PLD1: variants seen among roughly 807,000 people sequenced by gnomAD.
PLD1 encodes the protein phospholipase D1.
A neutral mutation model predicts 137.1 loss-of-function variants in PLD1; 112 were observed. The observed-to-expected ratio is 0.82, with a 90% CI of 0.70 to 0.96. PLD1 has a LOEUF of 0.96. Among genes scored for constraint, PLD1 ranks in the 40% least tolerant of loss-of-function variants. The pLI is 0.00. For synonymous variants in PLD1, 431 were observed against 454.7 expected, an observed-to-expected ratio of 0.95 and a Z score of 0.66; for missense variants, 1,321 against 1,342.0, an observed-to-expected ratio of 0.98 and a Z score of 0.24.
intron 8 of PLD1, among the ~76,000 whole-genome samples, chr3:171,718,715 C>T (rs1717863768): frequency 6.6e-6 from 1 of 152,148 alleles, no homozygotes; most frequent in Admixed American, 6.5e-5. Context: ...ACCTGCCACT[C>T]ACTGCTTGTA....
chr3:171,608,097 A>G (rs1051770283), intron 25 of PLD1, among the ~76,000 whole-genome samples: 4 of 152,232 alleles, frequency 2.6e-5, no homozygotes, highest in Non-Finnish European at 5.9e-5. Context: ...GGCAAAGTGA[A>G]AATAATTATT....
chr3:171,803,551 T>C (rs1723731764), intron 1 of PLD1, among the ~76,000 whole-genome samples: 2 of 152,124 alleles, frequency 1.3e-5, no homozygotes, highest in South Asian at 2.1e-4. Flanking sequence ...CTGACCAACA[T>C]GGTGAAAGCC....
rs888390357 is a variant in PLD1 at position 171,741,688 on chromosome 3, T to A, written c.-31-3606A>T. Among the ~76,000 whole-genome samples, 11 of 152,352 alleles carry A rather than the reference T, an allele frequency of 7.2e-5. No individual in the cohort carries two copies. The East Asian group carries it at 1.9e-3, about 27-fold the overall frequency. On this transcript the variant is annotated intron_variant, in intron 1 of 26. Coordinates refer to ENST00000351298, the MANE Select transcript of PLD1 (RefSeq NM_002662.5). ...TTGTATCTGGAAAGCAAATAAGGGT[T>A]TTTTTATTCTCGTTTTGAATTATAG...
chr3:171,748,120 C>T (rs1318096316), intron 1 of PLD1, among the ~76,000 whole-genome samples: 1 of 152,062 alleles, frequency 6.6e-6, no homozygotes, highest in Non-Finnish European at 1.5e-5. Context: ...ATGAGGATTC[C>T]GAGTCAACGT....
At chr3:171,761,541 G>T (rs1476427365) in intron 1 of PLD1, among the ~76,000 whole-genome samples, 1 of 152,182 alleles carries the variant, frequency 6.6e-6, no homozygotes, top group Admixed American at 6.5e-5. Flanking sequence ...TTTTACCGGG[G>T]TGTCTGGTGC....
chr3:171,769,306 A>G (rs768359481), intron 1 of PLD1, among the ~76,000 whole-genome samples: 67 of 152,254 alleles, frequency 4.4e-4, no homozygotes, highest in Non-Finnish European at 8.8e-4. Context: ...GTAAGCTTTT[A>G]AAGACCTTTA....
Position 171,688,805 on chromosome 3 carries a change from A to T in PLD1, c.1410T>A (p.Ile470=). ...CTCCCACAAAGGCCACCGATTGGTC[A>T]ATGATGACAAGCTTCTCATGGTGAG... ...LWAHHEKLVI[I]DQSVAFVGGI... The change falls in exon 14 of 27, where the codon ATT becomes ATA. Residue 470 remains isoleucine, a synonymous_variant. Coordinates refer to ENST00000351298, the MANE Select transcript of PLD1 (RefSeq NM_002662.5). The T allele has an allele frequency of 6.2e-7, 1 of 1,614,142 alleles. No individual in the cohort carries two copies. The highest frequency in any genetic ancestry group is 8.5e-7 in the Non-Finnish European group (1 of 1,180,000).
chr3:171,693,299 C>T (rs533103083), intron 12 of PLD1, among the ~76,000 whole-genome samples: 59 of 152,328 alleles, frequency 3.9e-4, no homozygotes, highest in African/African-American at 1.3e-3. Context: ...GACGTCTGCA[C>T]ATTACCCATC....
intron 1 of PLD1, among the ~76,000 whole-genome samples, chr3:171,740,384 T>C (rs1719690328): frequency 6.6e-6 from 1 of 152,132 alleles, no homozygotes; most frequent in Non-Finnish European, 1.5e-5. Context: ...TTATTTAAAA[T>C]ACAAGGTAAT....
At chr3:171,738,372 C>A (rs1719539134) in intron 1 of PLD1, among the ~76,000 whole-genome samples, 1 of 150,734 alleles carries the variant, frequency 6.6e-6, no homozygotes, top group South Asian at 2.1e-4. Flanking sequence ...ACTTTATTAA[C>A]TTGGATAAGT....
At chr3:171,620,547 A>C in intron 23 of PLD1, 27 bp from the exon 24 acceptor site, 1 of 1,400,704 alleles carries the variant, frequency 7.1e-7, no homozygotes, top group Non-Finnish European at 1.0e-6. Context: ...AAATTATTAA[A>C]ATTAATATGA....
chr3:171,645,107 T>C, intron 21 of PLD1, 84 bp from the exon 22 acceptor site: 1 of 859,582 alleles, frequency 1.2e-6, no homozygotes, highest in Non-Finnish European at 2.0e-6. Flanking sequence ...GTTCACATGG[T>C]TTTTGAGATT....
At chr3:171,657,946 C>CT (rs1737352145) in intron 21 of PLD1, among the ~76,000 whole-genome samples, 1 of 151,934 alleles carries the variant, frequency 6.6e-6, no homozygotes, top group South Asian at 2.1e-4. Context: ...ATAAAGAATT[C>CT]TTACAACTCA....
intron 16 of PLD1, among the ~76,000 whole-genome samples, chr3:171,685,706 T>A (rs1318728694): frequency 6.6e-6 from 1 of 152,198 alleles, no homozygotes; most frequent in Non-Finnish European, 1.5e-5. Flanking sequence ...CCACCACAAG[T>A]TAAACTTATT....
chr3:171,669,171 G>T (rs1560198295), intron 19 of PLD1, among the ~76,000 whole-genome samples: 1 of 152,126 alleles, frequency 6.6e-6, no homozygotes, highest in Non-Finnish European at 1.5e-5. Context: ...GGCTGGCTGT[G>T]TCTCCCCCTC....
chr3:171,763,021 A>C (rs1721515377), intron 1 of PLD1, among the ~76,000 whole-genome samples: 1 of 152,222 alleles, frequency 6.6e-6, no homozygotes, highest in African/African-American at 2.4e-5. Flanking sequence ...CTTATGATAC[A>C]TATAAATAGT....
At chr3:171,729,957 A>G (rs1042264982) in intron 6 of PLD1, among the ~76,000 whole-genome samples, 2 of 152,224 alleles carry the variant, frequency 1.3e-5, no homozygotes, top group African/African-American at 4.8e-5. Context: ...TCTGAGTCAC[A>G]TAAGTTAAAT....
At chr3:171,711,167 C>CTTTT (rs562934959) in intron 9 of PLD1, among the ~76,000 whole-genome samples, 1 of 94,806 alleles carries the variant, frequency 1.1e-5, no homozygotes, top group African/African-American at 4.3e-5. Context: ...CTGTGCCAGC[C>CTTTT]TTTTTTTTTT....
chr3:171,725,183 T>C (rs148725456), intron 7 of PLD1, among the ~76,000 whole-genome samples: 13 of 152,170 alleles, frequency 8.5e-5, no homozygotes, highest in South Asian at 2.1e-4. Flanking sequence ...GAACTTAAAG[T>C]ATAATAAATA....
Sources: gnomAD v4.1 joint callset for allele counts (sites outside exome capture counted in the v4.1 genomes callset) on GRCh38, gnomAD v4.1.1 for gene constraint, MANE v1.5 for transcripts, NCBI Gene and HGNC (gene_info 2026-07-23, HGNC 2026-07-21) for gene names.